Variants in SCAPER observed in about 807,000 individuals in gnomAD.
The protein encoded by SCAPER is S phase cyclin A-associated protein in the endoplasmic reticulum.
Under a neutral mutation model 182.2 loss-of-function variants are expected in SCAPER, and 98 were observed. That is an observed-to-expected ratio of 0.54 (90% CI 0.46 to 0.64). SCAPER has a LOEUF of 0.64. Ranked by LOEUF, SCAPER falls within the 30% of genes least tolerant of loss-of-function variation. The pLI, the probability that SCAPER is intolerant of heterozygous loss-of-function variation, is 0.00. For missense variants in SCAPER, 1,432 were observed against 1,690.0 expected (o/e 0.85, Z 2.68); for synonymous variants, 605 against 564.6 (o/e 1.07, Z -1.01).
rs553308439 is a variant in SCAPER, at chr15:76,355,236, C to A, written c.3856-1096G>T. On this transcript the variant is annotated intron_variant, in intron 29 of 31. Coordinates refer to ENST00000563290, the MANE Select transcript of SCAPER (RefSeq NM_020843.4). ...CAGTTTAGTTTAAGAACAAAATCAA[C>A]AAAGTAATAGTTCACATATTTTCGT... 2.0e-5 allele frequency among the ~76,000 whole-genome samples: 3 copies of A among 152,274 alleles called. No homozygotes were observed. The East Asian group carries it at 5.8e-4, about 29-fold the overall frequency.
chr15:76,552,068 T>C (rs966196956), intron 23 of SCAPER, among the ~76,000 whole-genome samples: 4 of 151,962 alleles, frequency 2.6e-5, no homozygotes, highest in African/African-American at 9.7e-5. Flanking sequence ...AGAAAATTGT[T>C]TGAGCCCAGG....
intron 21 of SCAPER, among the ~76,000 whole-genome samples, chr15:76,659,356 G>A (rs981958135): frequency 3.3e-5 from 5 of 151,884 alleles, no homozygotes; most frequent in African/African-American, 7.3e-5. Context: ...CTGCAGTCTC[G>A]ACCTCCCAGG....
intron 21 of SCAPER, among the ~76,000 whole-genome samples, chr15:76,652,371 CATATATAT>C (rs56164668): frequency 5.0e-4 from 4 of 8,066 alleles, no homozygotes; most frequent in African/African-American, 2.1e-3. Flanking sequence ...CACACACACA[CATATATAT>C]ATATATATAT....
chr15:76,511,257 TAAATA>T (rs888662340), intron 23 of SCAPER, among the ~76,000 whole-genome samples: 1 of 151,994 alleles, frequency 6.6e-6, no homozygotes, highest in Non-Finnish European at 1.5e-5. Context: ...ATGGAATAAA[TAAATA>T]AAATAAAAGA....
intron 24 of SCAPER, among the ~76,000 whole-genome samples, chr15:76,504,494 C>G (rs1338285986): frequency 1.3e-5 from 2 of 152,188 alleles, no homozygotes; most frequent in African/African-American, 4.8e-5. Context: ...CAGACTTTTG[C>G]TAATGTACTT....
intron 25 of SCAPER, 82 bp downstream of exon 25, chr15:76,471,130 A>T: frequency 8.7e-7 from 1 of 1,144,056 alleles, no homozygotes; most frequent in South Asian, 3.2e-5. Context: ...AGAGTAACTA[A>T]GTTGAATTCT....
chr15:76,702,542 G>A (rs896076058), intron 19 of SCAPER, among the ~76,000 whole-genome samples: 4 of 152,014 alleles, frequency 2.6e-5, no homozygotes, highest in Non-Finnish European at 5.9e-5. Flanking sequence ...CCACCTCCTG[G>A]GTTCAAAGGA....
intron 5 of SCAPER, 118 bp downstream of exon 5, chr15:76,841,616 C>G (rs977383399): frequency 5.8e-6 from 6 of 1,039,152 alleles, no homozygotes; most frequent in Admixed American, 5.2e-5. Flanking sequence ...CACTACACTC[C>G]AGCCTGGGCG....
At chr15:76,900,783 T>C (rs2074735992) in intron 1 of SCAPER, among the ~76,000 whole-genome samples, 1 of 152,214 alleles carries the variant, frequency 6.6e-6, no homozygotes, top group Admixed American at 6.5e-5. Context: ...AGAAGCCTGC[T>C]GGTAGCACTA....
At chr15:76,780,205 C>T (rs1307591969) in intron 8 of SCAPER, among the ~76,000 whole-genome samples, 3 of 152,266 alleles carry the variant, frequency 2.0e-5, no homozygotes, top group Admixed American at 2.0e-4. Flanking sequence ...GTCTTAGCAA[C>T]TGGAAGACCA....
chr15:76,360,744 T>A (rs577299695), intron 29 of SCAPER, among the ~76,000 whole-genome samples: 1 of 152,334 alleles, frequency 6.6e-6, no homozygotes, highest in African/African-American at 2.4e-5. Flanking sequence ...TTCTTGGTTA[T>A]GTGCTGGCTG....
intron 23 of SCAPER, among the ~76,000 whole-genome samples, chr15:76,556,572 A>C (rs1481524530): frequency 6.6e-6 from 1 of 152,180 alleles, no homozygotes; most frequent in East Asian, 1.9e-4. Flanking sequence ...GATGTACAAA[A>C]AACCCTCAGA....
chr15:76,521,248 T>C (rs1033721141), intron 23 of SCAPER, among the ~76,000 whole-genome samples: 1 of 152,112 alleles, frequency 6.6e-6, no homozygotes, highest in African/African-American at 2.4e-5. Context: ...ACTTACTAGC[T>C]TTTTATGGTA....
chr15:76,377,046 C>T (rs144333690), intron 28 of SCAPER, among the ~76,000 whole-genome samples: 11 of 152,224 alleles, frequency 7.2e-5, no homozygotes, highest in East Asian at 1.9e-4. Context: ...AGGGGAGAGG[C>T]GAAGCCCACA....
chr15:76,652,273 A>AATAT (rs1172636102), intron 21 of SCAPER, among the ~76,000 whole-genome samples: 404 of 12,670 alleles, frequency 0.032, 16 homozygotes, highest in Non-Finnish European at 0.045. Flanking sequence ...AAAAAAAAAA[A>AATAT]ATATATATAT....
At chr15:76,434,428 T>C in intron 25 of SCAPER, 118 bp from the exon 26 acceptor site, 1 of 730,692 alleles carries the variant, frequency 1.4e-6, no homozygotes, top group Non-Finnish European at 2.2e-6. Context: ...TGTTCAAGAG[T>C]GTTGGCTCTG....
At chr15:76,420,720 G>C (rs980303593) in intron 26 of SCAPER, among the ~76,000 whole-genome samples, 5 of 152,048 alleles carry the variant, frequency 3.3e-5, no homozygotes, top group Non-Finnish European at 5.9e-5. Context: ...TGCTGCACCC[G>C]TTAACTCACC....
intron 22 of SCAPER, among the ~76,000 whole-genome samples, chr15:76,608,407 T>C (rs1389660587): frequency 6.6e-6 from 1 of 152,126 alleles, no homozygotes; most frequent in Non-Finnish European, 1.5e-5. Context: ...CCCGGTCGTG[T>C]AAGGTGTCAA....
At chr15:76,802,648 T>C (rs2065879986) in intron 6 of SCAPER, among the ~76,000 whole-genome samples, 1 of 152,218 alleles carries the variant, frequency 6.6e-6, no homozygotes, top group African/African-American at 2.4e-5. Context: ...GATTTCTCCC[T>C]TGGAATTCCT....
Sources: allele counts gnomAD v4.1 joint callset (sites outside exome capture counted in the v4.1 genomes callset), GRCh38; gene constraint gnomAD v4.1.1; transcripts MANE v1.5; gene names NCBI Gene and HGNC (gene_info 2026-07-23, HGNC 2026-07-21).